Variants in SLC5A9 observed in about 807,000 individuals in gnomAD.
SLC5A9 encodes the protein solute carrier family 5 member 9.
SLC5A9 carries 59 observed loss-of-function variants against 70.9 expected under a neutral mutation model. The ratio of observed to expected loss-of-function variants is 0.83; its 90% confidence interval spans 0.68 to 1.03. The LOEUF is 1.03. Ranked by LOEUF, SLC5A9 falls within the 50% of genes least tolerant of loss-of-function variation. The probability of loss-of-function intolerance (pLI) is 0.00; values close to 1 mark genes in which losing one functional copy is unlikely to be tolerated. For synonymous variants in SLC5A9, 340 were observed against 346.5 expected, an observed-to-expected ratio of 0.98 and a Z score of 0.21; for missense variants, 832 against 881.1, an observed-to-expected ratio of 0.94 and a Z score of 0.71.
rs1255586491 is a variant in SLC5A9 at position 48,227,174 on chromosome 1, T to TGC, written c.235-1674_235-1673dup. ...ATGAGTGTGTGTGTCAGAGTGTGTG[T>TGC]GCGTGTGTGTGTGTACTGTGCCTGT... On this transcript the variant is annotated intron_variant, in intron 2 of 13. Coordinates refer to ENST00000438567, the MANE Select transcript of SLC5A9 (RefSeq NM_001011547.3). Among the ~76,000 whole-genome samples the TGC allele has an allele frequency of 3.9e-5, 4 of 102,862 alleles. No individual in the cohort carries two copies. The East Asian group carries it at 2.4e-3, about 62-fold the overall frequency. The allele number at this position is 102,862 out of a possible 152,430, so 67.5% of individuals were successfully genotyped here.
chr1:48,248,081 G>T lies in SLC5A9; in HGVS notation c.*538G>T, dbSNP rs188547936. The T allele has an allele frequency of 2.3e-4, 37 of 158,212 alleles. No individual in the cohort carries two copies. In the East Asian group the frequency reaches 6.8e-3, roughly 29 times the overall value. 9.8% of individuals were successfully genotyped at this position (158,212 alleles called of 1,614,324 possible). A position where few individuals can be genotyped will look rare whatever the true frequency, so the allele number is the denominator to read the frequency against. ...TATTTCCATTGGTGGCTCCACAGTGGTGGCTGTCAGACCCGAAGGGGTGGG... is the reference window on the plus strand; with the variant it reads ...TATTTCCATTGGTGGCTCCACAGTGTTGGCTGTCAGACCCGAAGGGGTGGG... On this transcript the variant is annotated 3_prime_UTR_variant, in exon 14 of 14. Coordinates refer to ENST00000438567, the MANE Select transcript of SLC5A9 (RefSeq NM_001011547.3).
chr1:48,223,770 C>T (rs1053472948), intron 1 of SLC5A9, among the ~76,000 whole-genome samples: 1 of 152,144 alleles, frequency 6.6e-6, no homozygotes, highest in Admixed American at 6.5e-5. Flanking sequence ...CCTTCTAGTG[C>T]TGGTGTGAGG....
At position 48,236,048 on chromosome 1, in the gene SLC5A9, ACCACTCCT is replaced by A. The variant is rs571347458; in HGVS notation, c.1292+172_1292+179del. ...CAAGTAAGTCCTTCGCCAACCCTGG[ACCACTCCT>A]CCTTTCAGAATAATAGGAAAAAACA... On this transcript the variant is annotated intron_variant, in intron 10 of 13. Coordinates refer to ENST00000438567, the MANE Select transcript of SLC5A9 (RefSeq NM_001011547.3). Among the ~76,000 whole-genome samples, 246 of 152,248 alleles carry A rather than the reference ACCACTCCT, an allele frequency of 1.6e-3. 1 individual carries two copies. Among genetic ancestry groups the A allele is most frequent in the Non-Finnish European group, 3.2e-3 (215 of 68,028 alleles).
rs1426603866 is a variant in SLC5A9 at position 48,231,669 on chromosome 1, CCT to C, written c.691+49_691+50del. 6.2e-6 allele frequency: 10 copies of C among 1,604,710 alleles called. No individual in the cohort carries two copies. The African/African-American group carries it at 6.7e-5, about 11-fold the overall frequency. On this transcript the variant is annotated intron_variant, in intron 6 of 13. Transcript: ENST00000438567. ...TATACCCCACTGTCATTCTTAAATT[CCT>C]CTCTGTCCTGTCTCTGCCACCTCCA... is the stretch of plus-strand genomic sequence containing the variant.
chr1:48,224,638 C>T (rs778423758), intron 1 of SLC5A9, 86 bp from the exon 2 acceptor site: 88 of 1,369,976 alleles, frequency 6.4e-5, no homozygotes, highest in African/African-American at 5.7e-5. Context: ...GTGCCTGCAC[C>T]GAGGGGAAGG....
chr1:48,239,623 T>A lies in SLC5A9; in HGVS notation c.1677+86T>A. On this transcript the variant is annotated intron_variant, in intron 12 of 13. Coordinates refer to ENST00000438567, the MANE Select transcript of SLC5A9 (RefSeq NM_001011547.3). The surrounding 1 kb of genome is among the most constrained non-coding windows in gnomAD (Gnocchi z 4.2). ...AATTCCACTGCTGACTTTTACTCTGTTGGGTTATGGTCTCCCCTGTGGCCA... is the reference window on the plus strand; with the variant it reads ...AATTCCACTGCTGACTTTTACTCTGATGGGTTATGGTCTCCCCTGTGGCCA... 7.5e-7 allele frequency: 1 copy of A among 1,326,124 alleles called. No homozygotes were observed. Among genetic ancestry groups the A allele is most frequent in the East Asian group, 2.3e-5 (1 of 43,336 alleles). 82.1% of individuals were successfully genotyped at this position (1,326,124 alleles called of 1,614,324 possible). A position where few individuals can be genotyped will look rare whatever the true frequency, so the allele number is the denominator to read the frequency against.
chr1:48,247,629 G>C lies in SLC5A9; in HGVS notation c.*86G>C. On this transcript the variant is annotated 3_prime_UTR_variant, in exon 14 of 14. Transcript: ENST00000438567. ...AAACAGGCTCTCCTCTTACTTTGCTGTCTAAACTGGAGATCACAGAAGTCA... is the reference window on the plus strand; with the variant it reads ...AAACAGGCTCTCCTCTTACTTTGCTCTCTAAACTGGAGATCACAGAAGTCA... 7.3e-7 allele frequency: 1 copy of C among 1,370,552 alleles called. No individual in the cohort carries two copies. Among genetic ancestry groups the C allele is most frequent in the South Asian group, 1.2e-5 (1 of 84,810 alleles). The allele number at this position is 1,370,552 out of a possible 1,614,324, so 84.9% of individuals were successfully genotyped here.
chr1:48,229,338 T>C lies in SLC5A9; in HGVS notation c.383T>C (p.Val128Ala), dbSNP rs528278569. Residue 128 changes from valine (V) to alanine (A), a missense_variant, in exon 4 of 14, where the codon GTG becomes GCG. Transcript: ENST00000438567. ...LLALGWVFVP[V>A]YIAAGVVTMP... ...GCCCTTGGCTGGGTCTTCGTCCCTG[T>C]GTACATCGCAGCAGGTGTGGTCACA... 1 of 1,614,038 alleles carries C rather than the reference T, an allele frequency of 6.2e-7. No individual in the cohort carries two copies. Among genetic ancestry groups the C allele is most frequent in the Admixed American group, 1.7e-5 (1 of 60,016 alleles).
intron 5 of SLC5A9, among the ~76,000 whole-genome samples, chr1:48,231,286 CT>C (rs955739351): frequency 6.6e-6 from 1 of 152,178 alleles, no homozygotes; most frequent in African/African-American, 2.4e-5. Flanking sequence ...TAACACAAAG[CT>C]GTGGTGTGAT....
intron 13 of SLC5A9, among the ~76,000 whole-genome samples, chr1:48,245,265 A>G (rs1199088474): frequency 1.3e-5 from 2 of 152,056 alleles, no homozygotes; most frequent in Non-Finnish European, 2.9e-5. Flanking sequence ...AAAGAGAAAG[A>G]GGAAGGAGAC....
At position 48,242,603 on chromosome 1, in the gene SLC5A9, G is replaced by A. The variant is rs1235151466; in HGVS notation, c.1824G>A (p.Gln608=). 1.2e-6 allele frequency: 2 copies of A among 1,611,116 alleles called. No homozygotes were observed. The highest frequency in any genetic ancestry group is 1.7e-6 in the Non-Finnish European group (2 of 1,178,750). The change falls in exon 13 of 14, where the codon CAG becomes CAA. Residue 608 remains glutamine (Q), a synonymous_variant. Coordinates refer to ENST00000438567, the MANE Select transcript of SLC5A9 (RefSeq NM_001011547.3). ...CGGCAGAGAACTCGAGCCTGGGCCA[G>A]GAGCAGCCTGAAGGTAGGCTGCGGC... ...GGAAENSSLG[Q]EQPEAPSRSW...
chr1:48,230,520 TG>T, intron 4 of SLC5A9, 79 bp from the exon 5 acceptor site: 1 of 907,354 alleles, frequency 1.1e-6, no homozygotes, highest in Non-Finnish European at 1.8e-6. Flanking sequence ...CTGGTGTTGC[TG>T]GGCAGGCAGG....
In SLC5A9 at chr1:48,239,300, T is replaced by C. The variant is rs1160333509; in HGVS notation, c.1462-22T>C. The C allele has an allele frequency of 8.9e-6, 14 of 1,577,606 alleles. No individual in the cohort carries two copies. The African/African-American group carries it at 1.9e-4, about 21-fold the overall frequency. ...TCTCCCACCTGGATCTCACCTCAGC[T>C]CTTGTCTGCCCTCTCTCACAGGGAG... On this transcript the variant is annotated intron_variant, in intron 11 of 13. Transcript: ENST00000438567. The surrounding 1 kb of genome is among the most constrained non-coding windows in gnomAD (Gnocchi z 4.2).
rs1279676741 is a variant in SLC5A9 at position 48,222,837 on chromosome 1, A to C, written c.101A>C (p.His34Pro). ...HIALDSRVGL[H>P]AYDISVVVIY... ...GCACTGGACTCCAGAGTTGGTCTGCACGCCTACGACATCAGCGTGGTGGTC... is the reference window on the plus strand; with the variant it reads ...GCACTGGACTCCAGAGTTGGTCTGCCCGCCTACGACATCAGCGTGGTGGTC... Residue 34 changes from histidine (H) to proline (P), a missense_variant, in exon 1 of 14, where the codon CAC (histidine) becomes CCC (proline). Coordinates refer to ENST00000438567, the MANE Select transcript of SLC5A9 (RefSeq NM_001011547.3). The C allele has an allele frequency of 3.7e-6, 6 of 1,614,056 alleles. No individual in the cohort carries two copies. The highest frequency in any genetic ancestry group is 1.3e-5 in the African/African-American group (1 of 74,926).
chr1:48,231,799 G>A, intron 6 of SLC5A9, 147 bp from the exon 7 acceptor site: 1 of 1,510,438 alleles, frequency 6.6e-7, no homozygotes, highest in Non-Finnish European at 8.9e-7. Flanking sequence ...CAAACCAAGG[G>A]TCTTGAGCCC....
intron 6 of SLC5A9, 75 bp from the exon 7 acceptor site, chr1:48,231,871 G>C (rs1230181855): frequency 6.3e-7 from 1 of 1,593,706 alleles, no homozygotes; most frequent in Non-Finnish European, 8.6e-7. Context: ...GGGCCCACAT[G>C]AGGCTGGGGC....
Position 48,231,890 on chromosome 1 carries a change from C to T in SLC5A9, c.692-56C>T, listed in dbSNP as rs373152448. 22 of 1,606,826 alleles carry T rather than the reference C, an allele frequency of 1.4e-5. No individual in the cohort carries two copies. The African/African-American group carries it at 2.5e-4, about 19-fold the overall frequency. ...CCACATGAGGCTGGGGCTGGGCTTG[C>T]TGAGTGACAGGCTCAGTGGGGTTTC... On this transcript the variant is annotated intron_variant, in intron 6 of 13. Coordinates refer to ENST00000438567, the MANE Select transcript of SLC5A9 (RefSeq NM_001011547.3).
Position 48,239,395 on chromosome 1 carries a change from C to T in SLC5A9, c.1535C>T (p.Ala512Val), listed in dbSNP as rs142122619. Residue 512 changes from alanine to valine, a missense_variant, in exon 12 of 14, where the codon GCG (alanine) becomes GTG (valine). Physicochemically the swap from Ala to Val is moderately conservative, Grantham distance 64. Transcript: ENST00000438567. The surrounding 1 kb of genome is among the most constrained non-coding windows in gnomAD (Gnocchi z 4.2). ...LRMILEFSYP[A>V]PACGEVDRRP... ...ATGATCCTGGAGTTCTCATACCCAGCGCCAGCCTGTGGGGAGGTGGACCGG... is the reference window on the plus strand; with the variant it reads ...ATGATCCTGGAGTTCTCATACCCAGTGCCAGCCTGTGGGGAGGTGGACCGG... 539 of 1,614,136 alleles carry T rather than the reference C, an allele frequency of 3.3e-4. 2 individuals carry two copies. In the African/African-American group the frequency reaches 5.3e-3, roughly 16 times the overall value.
rs377657949 is a variant in SLC5A9, at chr1:48,247,539, C to T, written c.2042C>T (p.Ala681Val). Residue 681 changes from alanine to valine, a missense_variant, in exon 14 of 14, where the codon GCG becomes GTG. Physicochemically the swap from Ala to Val is moderately conservative, Grantham distance 64 (BLOSUM62 0). Transcript: ENST00000438567. ...AINIFLWGYF[A>V] ...AACATCTTCCTCTGGGGCTATTTTG[C>T]GTGATTCCACAGACCTGGCTTCAGT... 73 of 1,614,102 alleles carry T rather than the reference C, an allele frequency of 4.5e-5. No homozygotes were observed. Among genetic ancestry groups the T allele is most frequent in the Non-Finnish European group, 5.1e-5 (60 of 1,179,980 alleles).
Sources: allele counts gnomAD v4.1 joint callset (sites outside exome capture counted in the v4.1 genomes callset), GRCh38; gene constraint gnomAD v4.1.1; non-coding constraint Gnocchi (gnomAD v3.1); transcripts MANE v1.5; gene names NCBI Gene and HGNC (gene_info 2026-07-23, HGNC 2026-07-21).